The following NR3C1 variants were observed in gnomAD, a reference collection of about 807,000 sequenced individuals.
The protein encoded by NR3C1 is glucocorticoid receptor.
In NR3C1, 14 loss-of-function variants were observed where a neutral mutation model predicts 74.0. The ratio of observed to expected loss-of-function variants is 0.19; its 90% CI spans 0.12 to 0.30. The LOEUF is 0.30. Among genes scored for constraint, NR3C1 ranks in the 10% least tolerant of loss-of-function variants. NR3C1 has a pLI of 1.00. For synonymous variants in NR3C1, 308 were observed against 332.5 expected (o/e 0.93, Z 0.80); for missense variants, 695 against 909.8 (o/e 0.76, Z 3.04).
chr5:143,385,927 T>C (rs1199401430), intron 2 of NR3C1, among the ~76,000 whole-genome samples: 1 of 152,248 alleles, frequency 6.6e-6, no homozygotes, highest in Non-Finnish European at 1.5e-5. Flanking sequence ...ACCAAGTTTC[T>C]GTACTAGTCC....
chr5:143,366,337 C>T (rs1180102388), intron 2 of NR3C1, among the ~76,000 whole-genome samples: 23 of 151,986 alleles, frequency 1.5e-4, no homozygotes, highest in African/African-American at 5.5e-4. Flanking sequence ...GGTGAAACCC[C>T]GTCTCTACTA....
rs1177363948 is a variant in NR3C1, at chr5:143,280,815, A to G, written c.*1074T>C. 6.6e-6 allele frequency: 1 copy of G among 152,236 alleles called. No homozygotes were observed. Among genetic ancestry groups the G allele is most frequent in the African/African-American group, 2.4e-5 (1 of 41,468 alleles). The allele number at this position is 152,236 out of a possible 1,614,324, so 9.4% of individuals were successfully genotyped here. On this transcript the variant is annotated 3_prime_UTR_variant, in exon 9 of 9. Transcript: ENST00000394464. ...AGAGGAATTACTTTGTCTGATTAAA[A>G]GTCTCTCAGCTGTGTTACAGCTGGT... is the stretch of plus-strand genomic sequence containing the variant.
intron 2 of NR3C1, chr5:143,333,114 T>C (rs1301306698): frequency 6.9e-6 from 11 of 1,593,842 alleles, no homozygotes. Flanking sequence ...CTCATGGTTC[T>C]TGCGCCCTTT....
intron 2 of NR3C1, among the ~76,000 whole-genome samples, chr5:143,390,764 C>T (rs1838087482): frequency 6.6e-6 from 1 of 152,124 alleles, no homozygotes; most frequent in African/African-American, 2.4e-5. Context: ...TCTATGTGGG[C>T]TCTTTTAAAA....
intron 1 of NR3C1, among the ~76,000 whole-genome samples, chr5:143,416,459 CA>C (rs34861052): frequency 0.02 from 2,676 of 134,736 alleles, 70 homozygotes; most frequent in African/African-American, 0.063. Flanking sequence ...TTGAGGTTTG[CA>C]AAAAAAAAAA....
intron 7 of NR3C1, among the ~76,000 whole-genome samples, chr5:143,287,151 TA>T (rs1481896495): frequency 1.3e-5 from 2 of 151,294 alleles, no homozygotes; most frequent in East Asian, 3.9e-4. Context: ...AGGAACAAAT[TA>T]AATGAAAAGC....
intron 2 of NR3C1, among the ~76,000 whole-genome samples, chr5:143,337,524 GT>G (rs1375868905): frequency 3.9e-5 from 6 of 152,292 alleles, no homozygotes; most frequent in Non-Finnish European, 7.4e-5. Context: ...AGTAAAATGT[GT>G]AAGAATGTTG....
At chr5:143,359,030 TAA>T (rs1269238001) in intron 2 of NR3C1, among the ~76,000 whole-genome samples, 4 of 152,162 alleles carry the variant, frequency 2.6e-5, no homozygotes, top group Non-Finnish European at 4.4e-5. Flanking sequence ...AAGCAATCAG[TAA>T]GATCAATGAA....
chr5:143,391,700 A>G (rs1838255603), intron 2 of NR3C1, among the ~76,000 whole-genome samples: 1 of 152,204 alleles, frequency 6.6e-6, no homozygotes, highest in South Asian at 2.1e-4. Flanking sequence ...TAAAACTGAA[A>G]AAAAAAATCA....
intron 2 of NR3C1, among the ~76,000 whole-genome samples, chr5:143,373,841 TTCCTTAAGTTGG>T (rs1834669407): frequency 2.6e-5 from 4 of 152,164 alleles, no homozygotes; most frequent in African/African-American, 9.7e-5. Context: ...CAATGAGCTG[TTCCTTAAGTTGG>T]GTGGTAGGTA....
rs374143303 is a variant in NR3C1 at position 143,424,980 on chromosome 5, C to T, written c.-14+9552G>A. ...AGGCAAAGTTCGAGGACTCACAAAACGTACTACTACTTACATACTACAAAG... is the reference window on the plus strand; with the variant it reads ...AGGCAAAGTTCGAGGACTCACAAAATGTACTACTACTTACATACTACAAAG... On this transcript the variant is annotated intron_variant, in intron 1 of 8. Transcript: ENST00000343796. Among the ~76,000 whole-genome samples, 18 of 152,244 alleles carry T rather than the reference C, an allele frequency of 1.2e-4. No individual in the cohort carries two copies. The South Asian group carries it at 1.9e-3, about 16-fold the overall frequency.
chr5:143,307,625 G>A (rs1444945826), intron 4 of NR3C1, among the ~76,000 whole-genome samples: 1 of 152,126 alleles, frequency 6.6e-6, no homozygotes, highest in African/African-American at 2.4e-5. Context: ...TTTGTCCTTT[G>A]AGCTTCATTC....
intron 2 of NR3C1, among the ~76,000 whole-genome samples, chr5:143,397,516 C>A (rs1839445818): frequency 6.6e-6 from 1 of 151,874 alleles, no homozygotes; most frequent in African/African-American, 2.4e-5. Context: ...TTGGATGAAG[C>A]TTTGTTTTGG....
At chr5:143,282,539 T>C (rs1179685717) in intron 8 of NR3C1, 29 bp downstream of exon 8, 1 of 1,613,202 alleles carries the variant, frequency 6.2e-7, no homozygotes, top group Admixed American at 1.7e-5. Flanking sequence ...CAGAAAACTC[T>C]TATATTTGGC....
intron 1 of NR3C1, among the ~76,000 whole-genome samples, chr5:143,414,931 G>A (rs1369075359): frequency 2.0e-5 from 3 of 152,154 alleles, no homozygotes; most frequent in Admixed American, 1.3e-4. Context: ...TGAAGGGTGA[G>A]GAGGTTATGA....
chr5:143,425,719 G>T (rs1294231206), intron 1 of NR3C1, among the ~76,000 whole-genome samples: 12 of 152,032 alleles, frequency 7.9e-5, no homozygotes. Context: ...TTAAAAAAAG[G>T]AAAATAAATG....
Position 143,340,717 on chromosome 5 carries a change from G to A in NR3C1, c.1185-26549C>T, listed in dbSNP as rs1038920629. The stretch of plus-strand genomic sequence containing the variant: ...AGGCTGGTCTTGAACTCCTGACCTC[G>A]TGATCCGCCCGGCTTGGCCTCCCAA... On this transcript the variant is annotated intron_variant, in intron 2 of 8. Coordinates refer to ENST00000394464, the MANE Select transcript of NR3C1 (RefSeq NM_000176.3). Among the ~76,000 whole-genome samples, 20 of 152,036 alleles carry A rather than the reference G, an allele frequency of 1.3e-4. No homozygotes were observed. The South Asian group carries it at 3.5e-3, about 27-fold the overall frequency.
chr5:143,325,114 C>A (rs1482125428), intron 2 of NR3C1, among the ~76,000 whole-genome samples: 1 of 152,168 alleles, frequency 6.6e-6, no homozygotes, highest in Non-Finnish European at 1.5e-5. Flanking sequence ...CAGCAACACC[C>A]ACTCTACTGG....
chr5:143,286,332 C>A (rs146441801), intron 7 of NR3C1, among the ~76,000 whole-genome samples: 2 of 152,204 alleles, frequency 1.3e-5, no homozygotes, highest in East Asian at 3.9e-4. Flanking sequence ...ATATATCCCT[C>A]ATGGATTTAG....
Sources: allele counts gnomAD v4.1 joint callset (sites outside exome capture counted in the v4.1 genomes callset), GRCh38; gene constraint gnomAD v4.1.1; transcripts MANE v1.5; gene names NCBI Gene and HGNC (gene_info 2026-07-23, HGNC 2026-07-21).